Variants in ANKRD55 observed in about 807,000 individuals in gnomAD.
ANKRD55 encodes ankyrin repeat domain 55.
Under a neutral mutation model 60.6 loss-of-function variants are expected in ANKRD55, and 41 were observed. The observed-to-expected ratio is 0.68, with a 90% CI of 0.53 to 0.88. The LOEUF (loss-of-function observed/expected upper bound fraction) is 0.88. ANKRD55 is among the 40% of genes least tolerant of loss of function. The probability of loss-of-function intolerance (pLI) is 0.00; values close to 1 mark genes in which losing one functional copy is unlikely to be tolerated. For missense variants in ANKRD55, 732 were observed against 767.6 expected (o/e 0.95, Z 0.55); for synonymous variants, 264 against 290.3 (o/e 0.91, Z 0.92).
intron 2 of ANKRD55, among the ~76,000 whole-genome samples, chr5:56,223,131 C>G (rs1361669719): frequency 6.6e-6 from 1 of 152,140 alleles, no homozygotes; most frequent in African/African-American, 2.4e-5. Context: ...CAAAGGGAAG[C>G]CCATCAAACC....
At chr5:56,216,351 C>G (rs915639534) in intron 2 of ANKRD55, among the ~76,000 whole-genome samples, 1 of 152,106 alleles carries the variant, frequency 6.6e-6, no homozygotes, top group Non-Finnish European at 1.5e-5. Context: ...CTCCTTATTC[C>G]TTGAGACACA....
intron 8 of ANKRD55, among the ~76,000 whole-genome samples, chr5:56,126,672 A>G (rs1329780799): frequency 6.6e-6 from 1 of 152,322 alleles, no homozygotes; most frequent in Middle Eastern, 3.4e-3. Flanking sequence ...ACGTCTTCTG[A>G]GAACACAGAG....
chr5:56,136,421 G>C (rs10461422), intron 7 of ANKRD55, among the ~76,000 whole-genome samples: 26,005 of 152,160 alleles, frequency 0.17, 2,612 homozygotes, highest in South Asian at 0.23. Context: ...GTAAGTCAAT[G>C]CAACAGAATG....
Position 56,127,031 on chromosome 5 carries a change from T to A in ANKRD55, c.688A>T (p.Ser230Cys). 6.2e-7 allele frequency: 1 copy of A among 1,613,988 alleles called. No individual in the cohort carries two copies. Among genetic ancestry groups the A allele is most frequent in the Non-Finnish European group, 8.5e-7 (1 of 1,179,962 alleles). ...GPSIINYDDESGKTCVHIAAA... is the reference protein window; with the variant it reads ...GPSIINYDDECGKTCVHIAAA... The stretch of plus-strand genomic sequence containing the variant: ...GCGATATGTACACATGTCTTCCCAC[T>A]CTCATCATCATAGTTGATTATGGAC... The change falls in exon 8 of 12, where the codon AGT becomes TGT. Residue 230 changes from serine to cysteine, a missense_variant. This residue lies in a region of ANKRD55 where 597 missense variants were observed against 607.5 expected (regional missense o/e 0.98). Transcript: ENST00000341048.
chr5:56,231,698 T>C (rs867305784), intron 2 of ANKRD55, among the ~76,000 whole-genome samples: 19 of 114,510 alleles, frequency 1.7e-4, no homozygotes, highest in African/African-American at 4.4e-4. Flanking sequence ...CACACACACA[T>C]ACACATACAC....
At chr5:56,184,848 T>A (rs906256138) in intron 2 of ANKRD55, among the ~76,000 whole-genome samples, 2 of 151,526 alleles carry the variant, frequency 1.3e-5, no homozygotes, top group African/African-American at 2.4e-5. Context: ...GAGCTATGAT[T>A]GTGCCACTAT....
chr5:56,158,459 T>C (rs980231640), intron 6 of ANKRD55, among the ~76,000 whole-genome samples: 2 of 152,216 alleles, frequency 1.3e-5, no homozygotes, highest in African/African-American at 4.8e-5. Flanking sequence ...TAGTACTGCA[T>C]TTTAAAAGAG....
In ANKRD55 at chr5:56,166,937, C is replaced by T. The variant is rs145514867; in HGVS notation, c.422+3757G>A. On this transcript the variant is annotated intron_variant, in intron 5 of 11. Coordinates refer to ENST00000341048, the MANE Select transcript of ANKRD55 (RefSeq NM_024669.3). ...AAGGCTTCTCAACGGAGACCAAGGGCTTAATGTCAAAATATGGCCATTAAA... is the reference window on the plus strand; with the variant it reads ...AAGGCTTCTCAACGGAGACCAAGGGTTTAATGTCAAAATATGGCCATTAAA... Among the ~76,000 whole-genome samples, 152 of 152,288 alleles carry T rather than the reference C, an allele frequency of 1.0e-3. 2 individuals carry two copies. The East Asian group carries it at 0.017, about 17-fold the overall frequency.
At chr5:56,201,637 T>C (rs1163063310) in intron 2 of ANKRD55, among the ~76,000 whole-genome samples, 7 of 152,162 alleles carry the variant, frequency 4.6e-5, no homozygotes, top group Non-Finnish European at 1.0e-4. Context: ...TGCCTCCCCC[T>C]TAGGGCTGTT....
intron 7 of ANKRD55, among the ~76,000 whole-genome samples, chr5:56,131,165 A>C (rs1195494796): frequency 2.0e-5 from 3 of 152,072 alleles, no homozygotes; most frequent in African/African-American, 7.2e-5. Context: ...CAACAAAAAA[A>C]AACAACAAAA....
chr5:56,195,353 C>T (rs161222), intron 2 of ANKRD55, among the ~76,000 whole-genome samples: 115,870 of 152,120 alleles, frequency 0.76, 44,918 homozygotes, highest in African/African-American at 0.91. Flanking sequence ...ATGAGATTAT[C>T]TTTAGTGGCA....
At position 56,100,300 on chromosome 5, in the gene ANKRD55, T is replaced by G. The variant is rs764695183; in HGVS notation, c.1728A>C (p.Leu576=). The change falls in exon 12 of 12, where the codon CTA becomes CTC. Residue 576 remains leucine (L), a synonymous_variant. Coordinates refer to ENST00000341048, the MANE Select transcript of ANKRD55 (RefSeq NM_024669.3). ...GGTTTGTCCGCAGAGGTTCTCCAGA[T>G]AGAACTGGGAAGAAAGAATAGAACA... The part of the protein sequence containing the change: ...NLAPLPDQKF[L]SGEPLRTNRV... The G allele has an allele frequency of 6.2e-7, 1 of 1,614,122 alleles. No individual in the cohort carries two copies. Among genetic ancestry groups the G allele is most frequent in the Non-Finnish European group, 8.5e-7 (1 of 1,180,010 alleles).
chr5:56,152,209 G>T (rs990772330), intron 6 of ANKRD55, among the ~76,000 whole-genome samples: 1 of 56,468 alleles, frequency 1.8e-5, no homozygotes. Flanking sequence ...TAACTGTAAA[G>T]TTAAAAATTT....
At chr5:56,164,910 C>T (rs551025988) in intron 5 of ANKRD55, among the ~76,000 whole-genome samples, 1 of 152,278 alleles carries the variant, frequency 6.6e-6, no homozygotes, top group African/African-American at 2.4e-5. Flanking sequence ...AGCCTCCATC[C>T]CCATTGAGCG....
intron 8 of ANKRD55, among the ~76,000 whole-genome samples, chr5:56,120,040 C>A (rs1756992732): frequency 7.2e-6 from 1 of 138,508 alleles, no homozygotes; most frequent in Admixed American, 7.2e-5. Flanking sequence ...TTCTCAACAC[C>A]ATTTTTTTTT....
At chr5:56,145,474 T>C (rs1757874695) in intron 6 of ANKRD55, among the ~76,000 whole-genome samples, 1 of 152,186 alleles carries the variant, frequency 6.6e-6, no homozygotes, top group Non-Finnish European at 1.5e-5. Flanking sequence ...AAAGCCTGGG[T>C]TTCTGATCAA....
At chr5:56,121,419 T>C (rs1205087263) in intron 8 of ANKRD55, among the ~76,000 whole-genome samples, 9 of 146,932 alleles carry the variant, frequency 6.1e-5, no homozygotes, top group African/African-American at 1.3e-4. Context: ...TGTCACTAGG[T>C]TGGGGTGCAG....
chr5:56,214,807 C>A (rs1581026864), intron 2 of ANKRD55, among the ~76,000 whole-genome samples: 2 of 152,188 alleles, frequency 1.3e-5, no homozygotes, highest in Non-Finnish European at 2.9e-5. Context: ...CACCTGAAAC[C>A]AACCAACCTA....
chr5:56,204,377 G>A (rs1759453060), intron 2 of ANKRD55, among the ~76,000 whole-genome samples: 1 of 152,274 alleles, frequency 6.6e-6, no homozygotes, highest in Non-Finnish European at 1.5e-5. Context: ...AGCTTTTGGT[G>A]TTTTAGACAT....
Sources: gnomAD v4.1 joint callset for allele counts (sites outside exome capture counted in the v4.1 genomes callset) on GRCh38, gnomAD v4.1.1 for gene constraint, gnomAD v4.1.1 regional missense constraint, MANE v1.5 for transcripts, NCBI Gene and HGNC (gene_info 2026-07-23, HGNC 2026-07-21) for gene names.